Variants in VAT1L observed in about 807,000 individuals in gnomAD.
VAT1L encodes vesicle amine transport 1 like, also known as putative NADPH-dependent quinone oxidoreductase VAT1L.
A neutral mutation model predicts 44.1 loss-of-function variants in VAT1L; 34 were observed. The observed-to-expected ratio is 0.77, with a 90% CI of 0.59 to 1.03. The LOEUF (loss-of-function observed/expected upper bound fraction) is 1.03. Ranked by LOEUF, VAT1L falls within the 50% of genes least tolerant of loss-of-function variation. The probability of loss-of-function intolerance (pLI) is 0.00; values close to 1 mark genes in which losing one functional copy is unlikely to be tolerated. For synonymous variants in VAT1L, 253 were observed against 202.2 expected (o/e 1.25, Z -2.13); for missense variants, 615 against 538.8 (o/e 1.14, Z -1.40).
At chr16:77,969,220 A>G (rs913662696) in intron 7 of VAT1L, among the ~76,000 whole-genome samples, 11 of 152,230 alleles carry the variant, frequency 7.2e-5, no homozygotes, top group African/African-American at 2.4e-4. Context: ...TTTAGTAAAC[A>G]TTATCAATCT....
At chr16:77,913,117 C>A (rs1411401604) in intron 7 of VAT1L, among the ~76,000 whole-genome samples, 1 of 152,128 alleles carries the variant, frequency 6.6e-6, no homozygotes, top group Non-Finnish European at 1.5e-5. Context: ...ATCCCCTTTG[C>A]TACAAAACAT....
chr16:77,858,570 T>C (rs1597070240), intron 3 of VAT1L, among the ~76,000 whole-genome samples: 1 of 152,108 alleles, frequency 6.6e-6, no homozygotes, highest in Admixed American at 6.5e-5. Flanking sequence ...TAACCAAATA[T>C]TTTAGACGAG....
chr16:77,879,940 G>A lies in VAT1L; in HGVS notation c.882+716G>A, dbSNP rs1041956635. ...CTCTGTCTCCCCATCCTCTTGAATC[G>A]GAGATAGAAATGAGGACCCTATGAC... On this transcript the variant is annotated intron_variant, in intron 6 of 8. Transcript: ENST00000302536. The surrounding 1 kb of genome is among the most constrained non-coding windows in gnomAD (Gnocchi z 4.1). Among the ~76,000 whole-genome samples, 7 of 152,222 alleles carry A rather than the reference G, an allele frequency of 4.6e-5. No homozygotes were observed. Among genetic ancestry groups the A allele is most frequent in the Admixed American group, 6.5e-5 (1 of 15,284 alleles).
intron 4 of VAT1L, among the ~76,000 whole-genome samples, chr16:77,870,101 A>G (rs1404740551): frequency 6.6e-6 from 1 of 152,236 alleles, no homozygotes; most frequent in Non-Finnish European, 1.5e-5. Context: ...ACACTTACCA[A>G]GAAGCCTACC....
chr16:77,823,620 C>T (rs191957698), intron 2 of VAT1L, among the ~76,000 whole-genome samples: 73 of 152,260 alleles, frequency 4.8e-4, no homozygotes, highest in African/African-American at 1.6e-3. Context: ...GAATAATATC[C>T]TATTAAGCTT....
At chr16:77,840,506 G>C (rs138118292) in intron 3 of VAT1L, among the ~76,000 whole-genome samples, 1 of 152,102 alleles carries the variant, frequency 6.6e-6, no homozygotes, top group Non-Finnish European at 1.5e-5. Flanking sequence ...AGAGTATCTA[G>C]ATGCTATTCA....
chr16:77,965,036 C>T (rs1014104501), intron 7 of VAT1L, among the ~76,000 whole-genome samples: 4 of 152,008 alleles, frequency 2.6e-5, no homozygotes, highest in African/African-American at 7.2e-5. Flanking sequence ...GTGATTCGCC[C>T]GCCTGGGCCT....
At chr16:77,910,623 G>A (rs112993264) in intron 7 of VAT1L, among the ~76,000 whole-genome samples, 12,220 of 144,120 alleles carry the variant, frequency 0.085, 651 homozygotes, top group South Asian at 0.17. Flanking sequence ...GCATTGAGCC[G>A]AGATCGCTCC....
chr16:77,830,793 C>A (rs963968478), intron 3 of VAT1L, among the ~76,000 whole-genome samples: 2 of 152,238 alleles, frequency 1.3e-5, no homozygotes, highest in African/African-American at 4.8e-5. Context: ...AAGGGATTCT[C>A]ACGCCTCAGC....
chr16:77,858,457 G>C (rs1429061), intron 3 of VAT1L, among the ~76,000 whole-genome samples: 1 of 152,318 alleles, frequency 6.6e-6, no homozygotes, highest in East Asian at 1.9e-4. Context: ...AGAGGACTTA[G>C]GAGTAGTGAT....
intron 4 of VAT1L, among the ~76,000 whole-genome samples, chr16:77,873,657 G>A (rs940288627): frequency 3.3e-5 from 5 of 152,152 alleles, no homozygotes; most frequent in African/African-American, 1.2e-4. Flanking sequence ...CCTATGATAG[G>A]TACTAAAAAG....
chr16:77,812,235 G>C (rs2016278022), intron 1 of VAT1L, among the ~76,000 whole-genome samples: 1 of 151,982 alleles, frequency 6.6e-6, no homozygotes, highest in Non-Finnish European at 1.5e-5. Flanking sequence ...ATCACGCCCG[G>C]CTAATTTTTG....
intron 7 of VAT1L, among the ~76,000 whole-genome samples, chr16:77,921,175 C>A (rs1189866084): frequency 2.0e-5 from 3 of 152,156 alleles, no homozygotes; most frequent in African/African-American, 7.2e-5. Context: ...ACAGGAATAG[C>A]ATCATGGGGC....
intron 8 of VAT1L, among the ~76,000 whole-genome samples, chr16:77,973,601 G>T (rs2018303658): frequency 6.7e-6 from 1 of 149,644 alleles, no homozygotes; most frequent in Non-Finnish European, 1.5e-5. Context: ...ATCTTTAACA[G>T]AAAAAATATT....
intron 7 of VAT1L, among the ~76,000 whole-genome samples, chr16:77,913,558 G>C (rs1242891209): frequency 6.6e-6 from 1 of 151,840 alleles, no homozygotes; most frequent in Non-Finnish European, 1.5e-5. Flanking sequence ...TTGGCTTCTA[G>C]GATGCCCTTC....
intron 4 of VAT1L, among the ~76,000 whole-genome samples, chr16:77,872,430 G>A (rs2017042343): frequency 6.6e-6 from 1 of 152,068 alleles, no homozygotes. Flanking sequence ...TTTCTGCTCT[G>A]AAAACAGACC....
chr16:77,825,505 G>GT (rs1168849405), intron 3 of VAT1L, 44 bp downstream of exon 3: 1 of 1,547,426 alleles, frequency 6.5e-7, no homozygotes. Flanking sequence ...GGTCATGATG[G>GT]TGGAAGTGGA....
At chr16:77,917,443 T>C (rs2142490866) in intron 7 of VAT1L, among the ~76,000 whole-genome samples, 1 of 152,336 alleles carries the variant, frequency 6.6e-6, no homozygotes, top group South Asian at 2.1e-4. Flanking sequence ...CAGGTTTCAG[T>C]GCAAATGTAA....
At chr16:77,799,545 GTGTGTGTGT>G (rs2016007091) in intron 1 of VAT1L, among the ~76,000 whole-genome samples, 3 of 90,114 alleles carry the variant, frequency 3.3e-5, no homozygotes, top group African/African-American at 1.0e-4. Context: ...GTGTGTGTGT[GTGTGTGTGT>G]GTGGTGTGTA....
Sources: allele counts gnomAD v4.1 joint callset (sites outside exome capture counted in the v4.1 genomes callset), GRCh38; gene constraint gnomAD v4.1.1; non-coding constraint Gnocchi (gnomAD v3.1); transcripts MANE v1.5; gene names NCBI Gene and HGNC (gene_info 2026-07-23, HGNC 2026-07-21).